Variants in ZNF324B observed in about 807,000 individuals in gnomAD.
ZNF324B encodes the protein zinc finger protein 324B.
Under a neutral mutation model 10.6 loss-of-function variants are expected in ZNF324B, and 7 were observed. The observed-to-expected ratio is 0.66, with a 90% CI of 0.38 to 1.24. The LOEUF is 1.24. ZNF324B is among the 50% of genes most tolerant of loss of function. The probability of loss-of-function intolerance (pLI) is 0.02; values close to 1 mark genes in which losing one functional copy is unlikely to be tolerated. For synonymous variants in ZNF324B, 316 were observed against 321.0 expected (o/e 0.98, Z 0.17); for missense variants, 640 against 764.7 (o/e 0.84, Z 1.92).
chr19:58,453,080 T>C (rs1419085951), intron 1 of ZNF324B: 1 of 104,038 alleles, frequency 9.6e-6, no homozygotes, highest in Non-Finnish European at 1.9e-5. Context: ...GTCTCCAAAA[T>C]AAAAATAAAT....
the ZNF324B span, among the ~76,000 whole-genome samples, chr19:58,427,508 C>CTT: frequency 5.8e-5 from 5 of 85,948 alleles, no homozygotes; most frequent in Non-Finnish European, 1.0e-4. Flanking sequence ...CTTTCTTTTT[C>CTT]TTTCTTTCTT....
chr19:58,424,637 AGT>A, the ZNF324B span, among the ~76,000 whole-genome samples: 1 of 152,194 alleles, frequency 6.6e-6, no homozygotes. Flanking sequence ...TTCTAATATA[AGT>A]GTGATAAATT....
chr19:58,439,770 C>A, the ZNF324B span: 6 of 1,544,150 alleles, frequency 3.9e-6, no homozygotes, highest in African/African-American at 1.4e-5. Flanking sequence ...TGCGCCGGGC[C>A]CATCAGCAAC....
the ZNF324B span, chr19:58,437,151 A>G: frequency 1.2e-6 from 2 of 1,614,162 alleles, no homozygotes; most frequent in Non-Finnish European, 8.5e-7. Flanking sequence ...GTATACAGCC[A>G]CATCTTCAAA....
chr19:58,420,292 G>A, the ZNF324B span, among the ~76,000 whole-genome samples: 50 of 152,196 alleles, frequency 3.3e-4, no homozygotes, highest in Admixed American at 1.1e-3. Context: ...GGTGACGGGC[G>A]CCTGTAGTCC....
Position 58,455,837 on chromosome 19 carries a change from C to T in ZNF324B, c.893C>T (p.Ser298Leu), listed in dbSNP as rs1303316609. ...TGCGGCAAGGCCTTCAGCCAGACGT[C>T]GCACTTGACGCAGCACCAGCGCATC... The part of the protein sequence containing the change: ...TQCGKAFSQT[S>L]HLTQHQRIHS... The change falls in exon 4 of 4, where the codon TCG (serine) becomes TTG (leucine). Residue 298 changes from serine to leucine, a missense_variant. Ser to Leu is a moderately radical substitution (Grantham distance 145, BLOSUM62 -2). Around this residue, in one of 3 missense-constraint regions of ZNF324B, gnomAD observed 57 missense variants for 118.8 expected, o/e 0.48. Coordinates refer to ENST00000336614, the MANE Select transcript of ZNF324B (RefSeq NM_207395.3). The surrounding 1 kb of genome is among the most constrained non-coding windows in gnomAD (Gnocchi z 7.0). 2.5e-6 allele frequency: 4 copies of T among 1,613,780 alleles called. No individual in the cohort carries two copies. The highest frequency in any genetic ancestry group is 3.4e-6 in the Non-Finnish European group (4 of 1,179,954).
At chr19:58,434,874 G>A in the ZNF324B span, 9 of 1,614,100 alleles carry the variant, frequency 5.6e-6, no homozygotes, top group African/African-American at 1.3e-5. Context: ...AAGTGAAGGG[G>A]TTCTCTGACA....
the ZNF324B span, among the ~76,000 whole-genome samples, chr19:58,422,766 C>T: frequency 6.6e-6 from 1 of 152,124 alleles, no homozygotes; most frequent in Non-Finnish European, 1.5e-5. Flanking sequence ...TTCATCCTCA[C>T]ATTCTTCCTC....
the ZNF324B span, chr19:58,435,493 C>A: frequency 3.3e-6 from 1 of 303,530 alleles, no homozygotes; most frequent in Admixed American, 4.6e-5. Context: ...ACACAAATGG[C>A]CAATAAGCAT....
chr19:58,440,035 C>T, the ZNF324B span: 255 of 562,548 alleles, frequency 4.5e-4, no homozygotes, highest in Middle Eastern at 4.0e-3. Context: ...AGTAATTAGC[C>T]GGGCACTATG....
chr19:58,434,612 T>C, the ZNF324B span: 2 of 1,614,108 alleles, frequency 1.2e-6, no homozygotes, highest in Admixed American at 1.7e-5. Context: ...TTACCAAGGA[T>C]TGATTTCTCC....
At chr19:58,424,839 C>A in the ZNF324B span, among the ~76,000 whole-genome samples, 1 of 152,060 alleles carries the variant, frequency 6.6e-6, no homozygotes, top group African/African-American at 2.4e-5. Context: ...ATTAAACATA[C>A]ACCTACCATA....
At chr19:58,437,384 A>G in the ZNF324B span, among the ~76,000 whole-genome samples, 1 of 152,070 alleles carries the variant, frequency 6.6e-6, no homozygotes, top group Non-Finnish European at 1.5e-5. Context: ...CCCACCTAAC[A>G]TGCCCTGGAA....
At chr19:58,433,797 C>T in the ZNF324B span, 1 of 1,614,072 alleles carries the variant, frequency 6.2e-7, no homozygotes, top group Middle Eastern at 1.6e-4. Flanking sequence ...CAAAGGCTTT[C>T]CCACACTCAC....
At chr19:58,440,812 C>G in the ZNF324B span, 1 of 152,232 alleles carries the variant, frequency 6.6e-6, no homozygotes, top group South Asian at 2.1e-4. Flanking sequence ...AGCGCGAGGC[C>G]GAGGCCAAGA....
At chr19:58,434,240 G>T in the ZNF324B span, 28 of 1,613,954 alleles carry the variant, frequency 1.7e-5, no homozygotes, top group Non-Finnish European at 2.4e-5. Flanking sequence ...CACTCATAAG[G>T]TCTTACCTGT....
At chr19:58,419,784 C>T in the ZNF324B span, among the ~76,000 whole-genome samples, 6 of 152,210 alleles carry the variant, frequency 3.9e-5, no homozygotes, top group African/African-American at 1.4e-4. Context: ...AAGAGAGACA[C>T]GTAGGGTAAC....
chr19:58,433,772 G>T, the ZNF324B span: 1 of 1,614,206 alleles, frequency 6.2e-7, no homozygotes, highest in Non-Finnish European at 8.5e-7. Flanking sequence ...TGTTCAATGA[G>T]AGTGGAGCTG....
the ZNF324B span, chr19:58,418,592 G>C: frequency 6.6e-6 from 1 of 152,034 alleles, no homozygotes; most frequent in Non-Finnish European, 1.5e-5. Context: ...GCCTCCCAAA[G>C]TGCTGGGAGC....
Sources: gnomAD v4.1 joint callset for allele counts (sites outside exome capture counted in the v4.1 genomes callset) on GRCh38, gnomAD v4.1.1 for gene constraint, gnomAD v4.1.1 regional missense constraint, Gnocchi (gnomAD v3.1) non-coding constraint, MANE v1.5 for transcripts, NCBI Gene and HGNC (gene_info 2026-07-23, HGNC 2026-07-21) for gene names.